SDAD1: variants seen among roughly 807,000 people sequenced by gnomAD.
SDAD1 encodes the protein SDA1 domain containing 1.
A neutral mutation model predicts 100.3 loss-of-function variants in SDAD1; 79 were observed. The ratio of observed to expected loss-of-function variants is 0.79; its 90% CI spans 0.66 to 0.95. SDAD1 has a LOEUF of 0.95. SDAD1 is among the 40% of genes least tolerant of loss of function. The pLI, the probability that SDAD1 is intolerant of heterozygous loss-of-function variation, is 0.00. For missense variants in SDAD1, 790 were observed against 810.9 expected, an observed-to-expected ratio of 0.97 and a Z score of 0.31; for synonymous variants, 267 against 271.4, an observed-to-expected ratio of 0.98 and a Z score of 0.16.
chr4:75,987,361 T>C (rs1730963276), intron 1 of SDAD1, among the ~76,000 whole-genome samples: 1 of 152,218 alleles, frequency 6.6e-6, no homozygotes, highest in Non-Finnish European at 1.5e-5. Context: ...TCTGGACATA[T>C]TCTATTCATA....
At chr4:75,953,317 G>T (rs112463089) in intron 21 of SDAD1, among the ~76,000 whole-genome samples, 4 of 151,698 alleles carry the variant, frequency 2.6e-5, no homozygotes, top group East Asian at 3.9e-4. Flanking sequence ...AAGTAGGGGT[G>T]GGGGGAGCCC....
chr4:75,990,832 T>C lies in SDAD1; in HGVS notation c.10A>G (p.Arg4Gly). 1.9e-6 allele frequency: 3 copies of C among 1,614,152 alleles called. No homozygotes were observed. The highest frequency in any genetic ancestry group is 2.5e-6 in the Non-Finnish European group (3 of 1,180,014). ...TTGCTGGGAAGCTTGTTGTTGTTTC[T>C]GTTGGACATTTTGGCTGCAGACAGA... Reference protein sequence around the residue: MSNRNNNKLPSNLP... With the variant: MSNGNNNKLPSNLP... The change falls in exon 1 of 22, where the codon AGA becomes GGA. Residue 4 changes from arginine to glycine, a missense_variant. Arg to Gly is a moderately radical substitution (Grantham distance 125). Transcript: ENST00000356260.
intron 17 of SDAD1, among the ~76,000 whole-genome samples, chr4:75,958,745 A>G (rs1729047477): frequency 6.6e-6 from 1 of 151,424 alleles, no homozygotes; most frequent in African/African-American, 2.4e-5. Context: ...CTGCTATTCT[A>G]GCATTCCTTG....
rs1224946479 is a variant in SDAD1 at position 75,964,292 on chromosome 4, T to C, written c.1105-81A>G. On this transcript the variant is annotated intron_variant, in intron 13 of 21. Coordinates refer to ENST00000356260, the MANE Select transcript of SDAD1 (RefSeq NM_018115.4). ...ACATAAGAATGAAAGGACAATAGAT[T>C]ATTCATAGTGGAAAACCCAGCCTTC... 4.2e-6 allele frequency: 4 copies of C among 951,790 alleles called. No homozygotes were observed. The African/African-American group carries it at 6.8e-5, about 16-fold the overall frequency. The allele number at this position is 951,790 out of a possible 1,614,324, so 59.0% of individuals were successfully genotyped here. A position where few individuals can be genotyped will look rare whatever the true frequency, so the allele number is the denominator to read the frequency against.
intron 17 of SDAD1, among the ~76,000 whole-genome samples, chr4:75,959,468 G>A (rs1729107517): frequency 6.6e-6 from 1 of 152,020 alleles, no homozygotes; most frequent in South Asian, 2.1e-4. Context: ...GTCAGGCATG[G>A]CTGCACACGC....
intron 11 of SDAD1, among the ~76,000 whole-genome samples, chr4:75,967,630 T>C (rs909278903): frequency 6.6e-6 from 1 of 152,118 alleles, no homozygotes; most frequent in African/African-American, 2.4e-5. Flanking sequence ...TTAAAACTGG[T>C]GTGGCTGCAG....
chr4:75,963,029 T>C (rs2149314204), intron 14 of SDAD1, among the ~76,000 whole-genome samples: 1 of 152,360 alleles, frequency 6.6e-6, no homozygotes, highest in East Asian at 1.9e-4. Flanking sequence ...GTTTTAGGCC[T>C]AACATTTAAG....
chr4:75,950,437 A>G lies in SDAD1; in HGVS notation c.*313T>C. The G allele has an allele frequency of 3.7e-6, 1 of 267,948 alleles. No individual in the cohort carries two copies. The highest frequency in any genetic ancestry group is 2.1e-5 in the African/African-American group (1 of 46,966). 16.6% of individuals were successfully genotyped at this position (267,948 alleles called of 1,614,324 possible). A position where few individuals can be genotyped will look rare whatever the true frequency, so the allele number is the denominator to read the frequency against. Reference sequence around the variant, plus strand: ...TGTCCACCCTCACAGCTAAGCTGTCAATGCCTTGAGTGAAGGGGTTACAGC... The same window carrying G: ...TGTCCACCCTCACAGCTAAGCTGTCGATGCCTTGAGTGAAGGGGTTACAGC... On this transcript the variant is annotated 3_prime_UTR_variant, in exon 22 of 22. Transcript: ENST00000356260.
chr4:75,975,969 A>G lies in SDAD1; in HGVS notation c.432T>C (p.Asp144=). Residue 144 remains aspartate, a synonymous_variant, in exon 5 of 22, where the codon GAT becomes GAC. Coordinates refer to ENST00000356260, the MANE Select transcript of SDAD1 (RefSeq NM_018115.4). ...RKTLYTHIVT[D]IKNINAKHKN... ...TGTGTTTTGCATTTATATTCTTGATATCAGTCACAATATGTGTGTATAAAG... is the reference window on the plus strand; with the variant it reads ...TGTGTTTTGCATTTATATTCTTGATGTCAGTCACAATATGTGTGTATAAAG... 3 of 1,601,142 alleles carry G rather than the reference A, an allele frequency of 1.9e-6. No homozygotes were observed. The highest frequency in any genetic ancestry group is 2.2e-5 in the East Asian group (1 of 44,764).
chr4:75,972,945 C>G (rs923333156), intron 8 of SDAD1, among the ~76,000 whole-genome samples: 1 of 151,758 alleles, frequency 6.6e-6, no homozygotes, highest in Admixed American at 6.6e-5. Context: ...GGCATGAACC[C>G]GGGAGGCAGA....
intron 2 of SDAD1, 85 bp from the exon 3 acceptor site, chr4:75,981,555 G>T: frequency 6.3e-7 from 1 of 1,584,268 alleles, no homozygotes; most frequent in Non-Finnish European, 8.6e-7. Context: ...TCTGCAAAAC[G>T]AGAGTAAAAG....
intron 14 of SDAD1, among the ~76,000 whole-genome samples, chr4:75,962,714 T>C (rs1011838665): frequency 6.6e-6 from 1 of 152,246 alleles, no homozygotes; most frequent in Non-Finnish European, 1.5e-5. Context: ...GAAGCATCTG[T>C]TCATATCCTT....
rs572002059 is a variant in SDAD1, at chr4:75,966,440, A to T, written c.1046-618T>A. Among the ~76,000 whole-genome samples the T allele has an allele frequency of 2.7e-4, 41 of 152,236 alleles. No homozygotes were observed. In the Middle Eastern group the frequency reaches 0.01, roughly 38 times the overall value. On this transcript the variant is annotated intron_variant, in intron 12 of 21. Transcript: ENST00000356260. ...TAGTCTTTTTTTTCCCTCTCTTTGTATACCTCACAAGATTAATGTGAGGAT... is the reference window on the plus strand; with the variant it reads ...TAGTCTTTTTTTTCCCTCTCTTTGTTTACCTCACAAGATTAATGTGAGGAT...
rs1313620250 is a variant in SDAD1 at position 75,969,111 on chromosome 4, C to A, written c.987+185G>T. Among the ~76,000 whole-genome samples the A allele has an allele frequency of 2.7e-5, 4 of 149,144 alleles. No homozygotes were observed. In the East Asian group the frequency reaches 8.0e-4, roughly 30 times the overall value. On this transcript the variant is annotated intron_variant, in intron 11 of 21. Transcript: ENST00000356260. ...GAATATATGTACAAATTAACATCCA[C>A]ATTACTGCAAAGAAAATGAAGTGAT...
chr4:75,970,493 CT>C (rs1375577923), intron 9 of SDAD1, 115 bp from the exon 10 acceptor site: 3 of 718,756 alleles, frequency 4.2e-6, no homozygotes, highest in East Asian at 2.8e-5. Flanking sequence ...AGAAAAAAAA[CT>C]TTGTTCTAAA....
chr4:75,979,161 C>T (rs1055835480), intron 3 of SDAD1, among the ~76,000 whole-genome samples: 1 of 151,644 alleles, frequency 6.6e-6, no homozygotes, highest in African/African-American at 2.4e-5. Flanking sequence ...TATAACTTGA[C>T]TTTTATTGAT....
At chr4:75,959,782 A>G (rs946782393) in intron 17 of SDAD1, among the ~76,000 whole-genome samples, 3 of 152,286 alleles carry the variant, frequency 2.0e-5, no homozygotes, top group East Asian at 1.9e-4. Flanking sequence ...TTTCTAGGCA[A>G]CAAACACAAG....
chr4:75,968,237 C>T (rs1351936287), intron 11 of SDAD1, among the ~76,000 whole-genome samples: 1 of 152,190 alleles, frequency 6.6e-6, no homozygotes, highest in Non-Finnish European at 1.5e-5. Flanking sequence ...TGATCCTACA[C>T]TGGGACTACA....
At chr4:75,965,703 T>A (rs994745533) in intron 13 of SDAD1, 61 bp downstream of exon 13, 65 of 1,377,236 alleles carry the variant, frequency 4.7e-5, no homozygotes, top group Non-Finnish European at 2.1e-6. Flanking sequence ...GACCCTGAAG[T>A]ACCTAACAGT....
Sources: gnomAD v4.1 joint callset for allele counts (sites outside exome capture counted in the v4.1 genomes callset) on GRCh38, gnomAD v4.1.1 for gene constraint, MANE v1.5 for transcripts, NCBI Gene and HGNC (gene_info 2026-07-23, HGNC 2026-07-21) for gene names.